ABCC8: variants seen among roughly 807,000 people sequenced by gnomAD.
The protein encoded by ABCC8 is ATP-binding cassette sub-family C member 8.
ABCC8 carries 137 observed loss-of-function variants against 188.0 expected under a neutral mutation model. The ratio of observed to expected loss-of-function variants is 0.73; its 90% CI spans 0.63 to 0.84. The LOEUF (loss-of-function observed/expected upper bound fraction) is 0.84. Among genes scored for constraint, ABCC8 ranks in the 40% least tolerant of loss-of-function variants. The pLI is 0.00. For missense variants in ABCC8, 1,750 were observed against 2,072.7 expected (o/e 0.84, Z 3.02); for synonymous variants, 797 against 846.5 (o/e 0.94, Z 1.01).
intron 16 of ABCC8, among the ~76,000 whole-genome samples, chr11:17,418,267 T>C (rs1955175925): frequency 6.6e-6 from 1 of 152,132 alleles, no homozygotes; most frequent in South Asian, 2.1e-4. Context: ...TGATTTCCCA[T>C]GCCATAACTC....
chr11:17,428,618 A>G lies in ABCC8; in HGVS notation c.1870T>C (p.Cys624Arg), dbSNP rs1955704929. 1 of 1,613,922 alleles carries G rather than the reference A, an allele frequency of 6.2e-7. No homozygotes were observed. The highest frequency in any genetic ancestry group is 1.3e-5 in the African/African-American group (1 of 74,926). Residue 624 changes from cysteine (C) to arginine (R), a missense_variant, in exon 13 of 39, where the codon TGT becomes CGT. Transcript: ENST00000389817. ...LSSAEIREEQCAPHEPTPQGP... is the reference protein window; with the variant it reads ...LSSAEIREEQRAPHEPTPQGP... ...TGAGGTGTGGGCTCATGGGGGGCAC[A>G]CTGCTCCTCACGGATCTCTGCACTG...
intron 19 of ABCC8, 34 bp from the exon 20 acceptor site, chr11:17,413,512 C>A: frequency 6.2e-7 from 1 of 1,612,862 alleles, no homozygotes; most frequent in South Asian, 1.1e-5. Context: ...TGCAGCTGGT[C>A]AGCCTGGTCA....
rs1387302006 is a variant in ABCC8 at position 17,406,908 on chromosome 11, T to G, written c.3142A>C (p.Arg1048=). The change falls in exon 25 of 39, where the codon AGG becomes CGG. Residue 1048 remains arginine (R), a synonymous_variant. Transcript: ENST00000389817. The stretch of plus-strand genomic sequence containing the variant: ...CACACCTGGCTGAGGGAGCAGTTCC[T>G]GGCTGCAGGGGTCAGGGTCAGGGCG... ...DSALTLTPAA[R]NCSLSQECTL... 3.7e-6 allele frequency: 6 copies of G among 1,613,984 alleles called. No homozygotes were observed. Among genetic ancestry groups the G allele is most frequent in the Non-Finnish European group, 4.2e-6 (5 of 1,180,036 alleles).
chr11:17,464,519 T>C (rs925129358), intron 3 of ABCC8, among the ~76,000 whole-genome samples: 1 of 152,218 alleles, frequency 6.6e-6, no homozygotes, highest in East Asian at 1.9e-4. Context: ...GGAATCATAA[T>C]AGTGCTACCT....
intron 10 of ABCC8, among the ~76,000 whole-genome samples, chr11:17,434,955 A>C (rs1296152096): frequency 1.3e-5 from 2 of 150,534 alleles, no homozygotes; most frequent in African/African-American, 4.9e-5. Context: ...TGGGGCTGGG[A>C]GAGTAGAATC....
At chr11:17,452,344 G>A (rs1956846905) in intron 7 of ABCC8, among the ~76,000 whole-genome samples, 2 of 152,220 alleles carry the variant, frequency 1.3e-5, no homozygotes, top group South Asian at 4.1e-4. Flanking sequence ...GGTTCAAATA[G>A]AACTTAGAGC....
chr11:17,431,266 C>T (rs1181502342), intron 11 of ABCC8, among the ~76,000 whole-genome samples: 1 of 151,862 alleles, frequency 6.6e-6, no homozygotes, highest in Non-Finnish European at 1.5e-5. Context: ...GCACGGCCCC[C>T]TCTGCAGACA....
At position 17,427,378 on chromosome 11, in the gene ABCC8, G is replaced by A. The variant is rs573047578; in HGVS notation, c.2117-224C>T. ...TTCCCCCTCTCTGATTTCCTGCCCC[G>A]CCACCCTTCCTAAGCACTCGCTTCT... On this transcript the variant is annotated intron_variant, in intron 15 of 38. Transcript: ENST00000389817. This position sits in a 1 kb window ranked among gnomAD's most constrained non-coding sequence, Gnocchi z 5.0. Among the ~76,000 whole-genome samples the A allele has an allele frequency of 1.4e-4, 21 of 151,672 alleles. No homozygotes were observed. In the South Asian group the frequency reaches 4.2e-3, roughly 30 times the overall value.
At position 17,397,318 on chromosome 11, in the gene ABCC8, G is replaced by A. The variant is rs1591715618; in HGVS notation, c.3868-5C>T. 1.2e-6 allele frequency: 2 copies of A among 1,610,182 alleles called. No homozygotes were observed. The highest frequency in any genetic ancestry group is 1.3e-5 in the African/African-American group (1 of 74,928). ...CCAGTTGAGGTAGTTGGAGACCTGT[G>A]GGGAGCAAGCCAGTGGCGCACACTC... On this transcript the variant is annotated splice_polypyrimidine_tract_variant and splice_region_variant and intron_variant, in intron 31 of 38. Coordinates refer to ENST00000389817, the MANE Select transcript of ABCC8 (RefSeq NM_000352.6).
At chr11:17,460,181 A>G (rs1957133130) in intron 6 of ABCC8, among the ~76,000 whole-genome samples, 2 of 152,240 alleles carry the variant, frequency 1.3e-5, no homozygotes, top group African/African-American at 4.8e-5. Flanking sequence ...CAAGTCACAG[A>G]AGCTCTAGAC....
At chr11:17,442,651 C>G in intron 10 of ABCC8, 69 bp downstream of exon 10, 1 of 1,515,514 alleles carries the variant, frequency 6.6e-7, no homozygotes, top group Non-Finnish European at 9.2e-7. Flanking sequence ...CCCTCTTACC[C>G]GAGCTCTGAC....
Position 17,474,879 on chromosome 11 carries a change from C to T in ABCC8, c.290+7G>A. ...TCACTTTCCTGAGTCCTCAGACAGT[C>T]ACTCACCCATCAGACAGGATGCCCT... On this transcript the variant is annotated splice_region_variant and intron_variant, in intron 2 of 38. Coordinates refer to ENST00000389817, the MANE Select transcript of ABCC8 (RefSeq NM_000352.6). 1 of 1,614,086 alleles carries T rather than the reference C, an allele frequency of 6.2e-7. No individual in the cohort carries two copies. Among genetic ancestry groups the T allele is most frequent in the Non-Finnish European group, 8.5e-7 (1 of 1,179,944 alleles).
At chr11:17,429,934 A>G (rs1046291031) in intron 12 of ABCC8, 2 of 152,498 alleles carry the variant, frequency 1.3e-5, no homozygotes, top group East Asian at 1.9e-4. Context: ...TACCCTCTCT[A>G]TCAGCTACTT....
chr11:17,461,423 C>T (rs1048082087), intron 5 of ABCC8, 160 bp downstream of exon 5: 4 of 908,558 alleles, frequency 4.4e-6, no homozygotes, highest in Non-Finnish European at 6.9e-6. Context: ...TGCACCTGTC[C>T]CTGGTTCACT....
intron 3 of ABCC8, 112 bp from the exon 4 acceptor site, chr11:17,463,716 G>GC: frequency 7.0e-7 from 1 of 1,419,440 alleles, no homozygotes; most frequent in Non-Finnish European, 9.6e-7. Context: ...GTGCCTGGGT[G>GC]TGTACATTTC....
At chr11:17,431,259 C>T (rs947891873) in intron 11 of ABCC8, among the ~76,000 whole-genome samples, 4 of 152,240 alleles carry the variant, frequency 2.6e-5, no homozygotes, top group South Asian at 2.1e-4. Context: ...TAGGTCAGCA[C>T]GGCCCCCTCT....
At chr11:17,470,271 C>A (rs200102708) in intron 2 of ABCC8, 49 bp from the exon 3 acceptor site, 11 of 1,612,438 alleles carry the variant, frequency 6.8e-6, no homozygotes, top group Non-Finnish European at 8.5e-7. Context: ...CTAAGTACTG[C>A]AATAGAGCAG....
chr11:17,474,583 T>C (rs1848655399), intron 2 of ABCC8, among the ~76,000 whole-genome samples: 4 of 151,874 alleles, frequency 2.6e-5, no homozygotes, highest in Admixed American at 2.0e-4. Context: ...CGGCAGGTTG[T>C]AGAAGAGGCC....
chr11:17,473,292 G>C (rs1848579839), intron 2 of ABCC8, among the ~76,000 whole-genome samples: 1 of 152,014 alleles, frequency 6.6e-6, no homozygotes, highest in Admixed American at 6.6e-5. Flanking sequence ...AGGCGGACTT[G>C]TCACGTGCTT....
Sources: allele counts gnomAD v4.1 joint callset (sites outside exome capture counted in the v4.1 genomes callset), GRCh38; gene constraint gnomAD v4.1.1; non-coding constraint Gnocchi (gnomAD v3.1); transcripts MANE v1.5; gene names NCBI Gene and HGNC (gene_info 2026-07-23, HGNC 2026-07-21).